Variants in CARS1 observed in about 807,000 individuals in gnomAD.
The protein encoded by CARS1 is cysteinyl-tRNA synthetase 1.
A neutral mutation model predicts 106.2 loss-of-function variants in CARS1; 48 were observed. The ratio of observed to expected loss-of-function variants is 0.45; its 90% CI spans 0.36 to 0.57. CARS1 has a LOEUF of 0.57. Ranked by LOEUF, CARS1 falls within the 20% of genes least tolerant of loss-of-function variation. The pLI, the probability that CARS1 is intolerant of heterozygous loss-of-function variation, is 0.00. For synonymous variants in CARS1, 409 were observed against 403.4 expected (o/e 1.01, Z -0.17); for missense variants, 968 against 1,057.2 (o/e 0.92, Z 1.17).
At position 3,043,309 on chromosome 11, in the gene CARS1, G is replaced by A. The variant is rs546849270; in HGVS notation, c.275-1053C>T. Among the ~76,000 whole-genome samples, 20 of 151,982 alleles carry A rather than the reference G, an allele frequency of 1.3e-4. No homozygotes were observed. The highest frequency in any genetic ancestry group is 2.4e-4 in the Non-Finnish European group (16 of 67,984). On this transcript the variant is annotated intron_variant, in intron 2 of 22. Coordinates refer to ENST00000380525, the MANE Select transcript of CARS1 (RefSeq NM_001014437.3). This position sits in a 1 kb window ranked among gnomAD's most constrained non-coding sequence, Gnocchi z 4.0. ...AGGGTGATTATTCACCCTCTGAAAC[G>A]TCAATCTGGCAAAGCTAGGTGTGGA...
chr11:3,030,674 G>C lies in CARS1; in HGVS notation c.802-1231C>G, dbSNP rs1051324665. 2.0e-5 allele frequency: 3 copies of C among 152,212 alleles called. No homozygotes were observed. Among genetic ancestry groups the C allele is most frequent in the Non-Finnish European group, 4.4e-5 (3 of 68,042 alleles). 9.4% of individuals were successfully genotyped at this position (152,212 alleles called of 1,614,324 possible). On this transcript the variant is annotated intron_variant, in intron 7 of 22. Coordinates refer to ENST00000380525, the MANE Select transcript of CARS1 (RefSeq NM_001014437.3). The surrounding 1 kb of genome is among the most constrained non-coding windows in gnomAD (Gnocchi z 5.7). ...CAGCAGAAACGACAAACAGATGGAC[G>C]CTTCAGATGGAGGAGTTATCAGATA...
chr11:3,018,201 G>A (rs1241190051), intron 14 of CARS1: 5 of 609,914 alleles, frequency 8.2e-6, no homozygotes, highest in South Asian at 8.0e-5. Context: ...CTAGGAGGAC[G>A]AGGCCTCTGT....
rs1849688293 is a variant in CARS1, at chr11:3,004,699, C to T, written c.2217+667G>A. On this transcript the variant is annotated intron_variant, in intron 20 of 22. Coordinates refer to ENST00000380525, the MANE Select transcript of CARS1 (RefSeq NM_001014437.3). The surrounding 1 kb of genome is among the most constrained non-coding windows in gnomAD (Gnocchi z 5.2). ...GGGCACCGAGGAACTTGGGCCATCC[C>T]TGATCCTGGGGGCGTTGTGGGGTGC... is the stretch of plus-strand genomic sequence containing the variant. 6.6e-6 allele frequency among the ~76,000 whole-genome samples: 1 copy of T among 152,228 alleles called. No homozygotes were observed. The highest frequency in any genetic ancestry group is 1.5e-5 in the Non-Finnish European group (1 of 68,038).
chr11:3,056,021 G>A (rs1432120063), intron 1 of CARS1, among the ~76,000 whole-genome samples: 1 of 152,200 alleles, frequency 6.6e-6, no homozygotes, highest in Non-Finnish European at 1.5e-5. Context: ...TTGGCTCTGG[G>A]ACGGGTGGAG....
chr11:3,017,230 A>C lies in CARS1; in HGVS notation c.1793T>G (p.Met598Arg), dbSNP rs749902492. The C allele has an allele frequency of 6.2e-7, 1 of 1,614,014 alleles. No individual in the cohort carries two copies. The highest frequency in any genetic ancestry group is 1.3e-5 in the African/African-American group (1 of 74,924). ...ACTGACCAAGGCCCGCATCTCTTCC[A>C]TGACGGTGCGGGTGTCAACATTGTC... Reference protein sequence around the residue: ...LCDNVDTRTVMEEMRALVSQC... With the variant: ...LCDNVDTRTVREEMRALVSQC... The change falls in exon 16 of 23, where the codon ATG becomes AGG. Residue 598 changes from methionine (M) to arginine (R), a missense_variant. Physicochemically the swap from Met to Arg is moderately conservative, Grantham distance 91. Transcript: ENST00000380525. This position sits in a 1 kb window ranked among gnomAD's most constrained non-coding sequence, Gnocchi z 4.9.
intron 17 of CARS1, among the ~76,000 whole-genome samples, chr11:3,013,669 T>C (rs1234777812): frequency 6.6e-6 from 1 of 151,718 alleles, no homozygotes; most frequent in Non-Finnish European, 1.5e-5. Flanking sequence ...GCCAACATAG[T>C]GAAACCCCCG....
Position 3,040,772 on chromosome 11 carries a change from A to G in CARS1, c.455+124T>C. The G allele has an allele frequency of 3.0e-6, 3 of 995,904 alleles. No homozygotes were observed. The highest frequency in any genetic ancestry group is 4.5e-6 in the Non-Finnish European group (3 of 661,170). 61.7% of individuals were successfully genotyped at this position (995,904 alleles called of 1,614,324 possible). On this transcript the variant is annotated intron_variant, in intron 4 of 22. Coordinates refer to ENST00000380525, the MANE Select transcript of CARS1 (RefSeq NM_001014437.3). The surrounding 1 kb of genome is among the most constrained non-coding windows in gnomAD (Gnocchi z 5.8). ...GAAGAAATTCAGTCTTGATTCCTCAAATCTCAGGTCTCTGTAGCAGATCTA... is the reference window on the plus strand; with the variant it reads ...GAAGAAATTCAGTCTTGATTCCTCAGATCTCAGGTCTCTGTAGCAGATCTA...
rs1170182438 is a variant in CARS1 at position 3,052,716 on chromosome 11, C to T, written c.25+4627G>A. Among the ~76,000 whole-genome samples the T allele has an allele frequency of 1.3e-5, 2 of 152,112 alleles. No homozygotes were observed. The highest frequency in any genetic ancestry group is 2.9e-5 in the Non-Finnish European group (2 of 68,020). On this transcript the variant is annotated intron_variant, in intron 1 of 22. Transcript: ENST00000380525. This position sits in a 1 kb window ranked among gnomAD's most constrained non-coding sequence, Gnocchi z 4.6. ...GGACGCAGACAGTCATTTGGGTAATCGTGGTAGCTGCATTTAAGTGTGTCT... is the reference window on the plus strand; with the variant it reads ...GGACGCAGACAGTCATTTGGGTAATTGTGGTAGCTGCATTTAAGTGTGTCT...
rs1852370678 is a variant in CARS1, at chr11:3,028,672, G to A, written c.1031+324C>T. The A allele has an allele frequency of 5.1e-6, 2 of 390,330 alleles. No homozygotes were observed. Among genetic ancestry groups the A allele is most frequent in the African/African-American group, 2.1e-5 (1 of 48,776 alleles). 24.2% of individuals were successfully genotyped at this position (390,330 alleles called of 1,614,324 possible). ...AGCACTCTCAAAATGTCTACGCAAT[G>A]GCACTGATGTCTGTGAAGGCCCAGC... is the stretch of plus-strand genomic sequence containing the variant. On this transcript the variant is annotated intron_variant, in intron 9 of 22. Coordinates refer to ENST00000380525, the MANE Select transcript of CARS1 (RefSeq NM_001014437.3). The surrounding 1 kb of genome is among the most constrained non-coding windows in gnomAD (Gnocchi z 4.4).
chr11:3,045,166 T>A lies in CARS1; in HGVS notation c.274+2587A>T, dbSNP rs1854952812. ...TCAACGTCCTGATATCCAGTGGACC[T>A]CCGTGCTGGAGGCTGGTGATCCAGG... On this transcript the variant is annotated intron_variant, in intron 2 of 22. Coordinates refer to ENST00000380525, the MANE Select transcript of CARS1 (RefSeq NM_001014437.3). This position sits in a 1 kb window ranked among gnomAD's most constrained non-coding sequence, Gnocchi z 5.6. 6.6e-6 allele frequency among the ~76,000 whole-genome samples: 1 copy of A among 152,136 alleles called. No homozygotes were observed. Among genetic ancestry groups the A allele is most frequent in the African/African-American group, 2.4e-5 (1 of 41,422 alleles).
intron 2 of CARS1, 35 bp from the exon 3 acceptor site, chr11:3,042,291 G>A (rs1337421758): frequency 6.5e-7 from 1 of 1,538,398 alleles, no homozygotes; most frequent in East Asian, 2.3e-5. Context: ...AGGGTCCAGG[G>A]GCAGCACCAG....
In CARS1 at chr11:3,028,334, T is replaced by TC; in HGVS notation, c.1031+661dup. The TC allele has an allele frequency of 4.0e-6, 2 of 498,834 alleles. No homozygotes were observed. Among genetic ancestry groups the TC allele is most frequent in the Non-Finnish European group, 3.6e-6 (1 of 278,136 alleles). 30.9% of individuals were successfully genotyped at this position (498,834 alleles called of 1,614,324 possible). On this transcript the variant is annotated intron_variant, in intron 9 of 22. Transcript: ENST00000380525. This position sits in a 1 kb window ranked among gnomAD's most constrained non-coding sequence, Gnocchi z 4.4. ...GGTCTCCGCGTCTTGGTGGTAGTGG[T>TC]CCCCCGGGCCCAGCTGTCTTCTCTT...
In CARS1 at chr11:3,006,905, A is replaced by G. The variant is rs1849923567; in HGVS notation, c.2123T>C (p.Leu708Pro). 6.2e-7 allele frequency: 1 copy of G among 1,614,016 alleles called. No individual in the cohort carries two copies. Among genetic ancestry groups the G allele is most frequent in the Admixed American group, 1.7e-5 (1 of 60,006 alleles). Residue 708 changes from leucine (L) to proline (P), a missense_variant, in exon 19 of 23, where the codon CTT (leucine) becomes CCT (proline). Coordinates refer to ENST00000380525, the MANE Select transcript of CARS1 (RefSeq NM_001014437.3). Reference sequence around the variant, plus strand: ...TTCGTGGTCTTCAAACCGCACCCCAAGCTCGGGCAGGATGTTGTCCCGCAG... The same window carrying G: ...TTCGTGGTCTTCAAACCGCACCCCAGGCTCGGGCAGGATGTTGTCCCGCAG... ...DALRDNILPE[L>P]GVRFEDHEGL...
chr11:3,054,547 T>C (rs1437869233), intron 1 of CARS1, among the ~76,000 whole-genome samples: 4 of 152,250 alleles, frequency 2.6e-5, no homozygotes, highest in African/African-American at 7.2e-5. Context: ...GGTTGAGCTA[T>C]TGTGAGTCTG....
At position 3,039,301 on chromosome 11, in the gene CARS1, G is replaced by A. The variant is rs758274295; in HGVS notation, c.553-9C>T. ...CGGGCCCTCTTGATGATCTGGGGAG[G>A]GAAGGCAGACATTGGGGAGTGATGC... On this transcript the variant is annotated splice_polypyrimidine_tract_variant and intron_variant, in intron 5 of 22. Coordinates refer to ENST00000380525, the MANE Select transcript of CARS1 (RefSeq NM_001014437.3). This position sits in a 1 kb window ranked among gnomAD's most constrained non-coding sequence, Gnocchi z 5.6. 9 of 1,575,818 alleles carry A rather than the reference G, an allele frequency of 5.7e-6. 1 individual carries two copies. The highest frequency in any genetic ancestry group is 7.9e-6 in the Non-Finnish European group (9 of 1,145,496).
chr11:3,043,942 G>A lies in CARS1; in HGVS notation c.275-1686C>T, dbSNP rs990026593. ...ACAGGTGGTCAGATTCTAAAGCGTA[G>A]GCAATCTCCAATCTTAATCAAACAT... On this transcript the variant is annotated intron_variant, in intron 2 of 22. Transcript: ENST00000380525. The surrounding 1 kb of genome is among the most constrained non-coding windows in gnomAD (Gnocchi z 4.0). 6.6e-6 allele frequency among the ~76,000 whole-genome samples: 1 copy of A among 152,168 alleles called. No homozygotes were observed. Among genetic ancestry groups the A allele is most frequent in the Non-Finnish European group, 1.5e-5 (1 of 68,034 alleles).
rs1010653581 is a variant in CARS1, at chr11:3,044,081, G to T, written c.275-1825C>A. ...GGAGGCATTCAACCGGCCACTCTAG[G>T]ATCCCATCACTCTCCTCCCTCACAA... On this transcript the variant is annotated intron_variant, in intron 2 of 22. Coordinates refer to ENST00000380525, the MANE Select transcript of CARS1 (RefSeq NM_001014437.3). The surrounding 1 kb of genome is among the most constrained non-coding windows in gnomAD (Gnocchi z 4.4). Among the ~76,000 whole-genome samples the T allele has an allele frequency of 3.9e-5, 6 of 152,180 alleles. No individual in the cohort carries two copies. Among genetic ancestry groups the T allele is most frequent in the Admixed American group, 3.9e-4 (6 of 15,284 alleles).
rs760012992 is a variant in CARS1, at chr11:3,012,238, T to G, written c.2025A>C (p.Ser675=). 1.2e-6 allele frequency: 2 copies of G among 1,614,270 alleles called. No homozygotes were observed. Among genetic ancestry groups the G allele is most frequent in the Non-Finnish European group, 1.7e-6 (2 of 1,180,046 alleles). The part of the protein sequence containing the change: ...ATVMPYLQVL[S]EFREGVRKIA... ...TCTTCCGCACTCCTTCTCGGAATTCTGATAACACCTGAAGGTAGGGCATGA... is the reference window on the plus strand; with the variant it reads ...TCTTCCGCACTCCTTCTCGGAATTCGGATAACACCTGAAGGTAGGGCATGA... The change falls in exon 18 of 23, where the codon TCA becomes TCC. Residue 675 remains serine (S), a synonymous_variant. Coordinates refer to ENST00000380525, the MANE Select transcript of CARS1 (RefSeq NM_001014437.3).
At chr11:3,024,733 T>C (rs747191196) in intron 10 of CARS1, among the ~76,000 whole-genome samples, 9 of 152,120 alleles carry the variant, frequency 5.9e-5, no homozygotes, top group Non-Finnish European at 2.9e-5. Context: ...CAGGTGTGGG[T>C]CGCCATGTCT....
Sources: allele counts gnomAD v4.1 joint callset (sites outside exome capture counted in the v4.1 genomes callset), GRCh38; gene constraint gnomAD v4.1.1; non-coding constraint Gnocchi (gnomAD v3.1); transcripts MANE v1.5; gene names NCBI Gene and HGNC (gene_info 2026-07-23, HGNC 2026-07-21).